Variants in KLRG1 observed in about 807,000 individuals in gnomAD.
The protein encoded by KLRG1 is killer cell lectin-like receptor subfamily G member 1.
Under a neutral mutation model 21.8 loss-of-function variants are expected in KLRG1, and 16 were observed. The ratio of observed to expected loss-of-function variants is 0.73; its 90% CI spans 0.50 to 1.11. The LOEUF (loss-of-function observed/expected upper bound fraction) is 1.11, where lower values mean the gene tolerates loss of function less well. Among genes scored for constraint, KLRG1 ranks in the 50% most tolerant of loss-of-function variants. KLRG1 has a pLI of 0.00. For missense variants in KLRG1, 173 were observed against 218.3 expected (o/e 0.79, Z 1.31); for synonymous variants, 69 against 75.9 (o/e 0.91, Z 0.47).
At chr12:8,956,253 G>A (rs1211441440) in intron 1 of KLRG1, among the ~76,000 whole-genome samples, 1 of 152,186 alleles carries the variant, frequency 6.6e-6, no homozygotes, top group Non-Finnish European at 1.5e-5. Flanking sequence ...GGAAGTGGTG[G>A]TGGCGCCAGG....
rs1805751 is a variant in KLRG1, at chr12:8,991,447, A to G, written c.83-759A>G. Among the ~76,000 whole-genome samples, 42 of 152,284 alleles carry G rather than the reference A, an allele frequency of 2.8e-4. No homozygotes were observed. The East Asian group carries it at 6.7e-3, about 24-fold the overall frequency. On this transcript the variant is annotated intron_variant, in intron 1 of 4. Coordinates refer to ENST00000356986, the MANE Select transcript of KLRG1 (RefSeq NM_005810.4). ...TGTATTTCAATTTCGAGTAGATAAT[A>G]TGTTTACATGGTTCAAAATTCAAAA...
At chr12:9,122,654 A>G in the KLRG1 span, among the ~76,000 whole-genome samples, 3 of 152,182 alleles carry the variant, frequency 2.0e-5, no homozygotes, top group African/African-American at 7.2e-5. Context: ...TAATAGTTGA[A>G]CTGTCGGTCC....
chr12:9,028,261 T>C, the KLRG1 span: 1 of 483,124 alleles, frequency 2.1e-6, no homozygotes, highest in Non-Finnish European at 3.7e-6. Flanking sequence ...AAGCGATTCT[T>C]CTGCTTCAGC....
the KLRG1 span, chr12:9,181,085 G>A: frequency 6.2e-7 from 1 of 1,614,130 alleles, no homozygotes; most frequent in Non-Finnish European, 8.5e-7. Context: ...CTTGCAGGTG[G>A]GCATGTGAGG....
chr12:8,979,190 G>A (rs1946714620), intron 1 of KLRG1, among the ~76,000 whole-genome samples: 1 of 151,404 alleles, frequency 6.6e-6, no homozygotes, highest in Non-Finnish European at 1.5e-5. Flanking sequence ...AATTTTCTTT[G>A]TATTTTTAGT....
chr12:8,966,529 T>G (rs1024015638), intron 1 of KLRG1, among the ~76,000 whole-genome samples: 3 of 152,106 alleles, frequency 2.0e-5, no homozygotes, highest in African/African-American at 7.2e-5. Context: ...GCAAAGGATA[T>G]GAACAGACAC....
the KLRG1 span, among the ~76,000 whole-genome samples, chr12:9,114,832 T>C: frequency 2.6e-5 from 4 of 152,282 alleles, no homozygotes; most frequent in South Asian, 8.3e-4. Context: ...AAACATTTCC[T>C]TCTGACTGAG....
At chr12:9,144,045 C>A in the KLRG1 span, among the ~76,000 whole-genome samples, 22 of 152,178 alleles carry the variant, frequency 1.4e-4, no homozygotes, top group Non-Finnish European at 2.9e-5. Flanking sequence ...ACCTGACTTT[C>A]CCGGGTACCA....
chr12:9,014,452 G>A (rs1015762275), downstream of KLRG1, among the ~76,000 whole-genome samples: 8 of 152,088 alleles, frequency 5.3e-5, 1 homozygote, highest in Admixed American at 5.2e-4. Context: ...AGAGTGGCAT[G>A]ATATATTTAA....
the KLRG1 span, chr12:9,152,286 G>A: frequency 6.2e-7 from 1 of 1,613,380 alleles, no homozygotes; most frequent in Non-Finnish European, 8.5e-7. Context: ...TCACCATATT[G>A]GAAGCAGGAC....
At chr12:9,177,196 A>G in the KLRG1 span, among the ~76,000 whole-genome samples, 548 of 152,366 alleles carry the variant, frequency 3.6e-3, 21 homozygotes, top group East Asian at 0.092. Context: ...GGCCTAGGTC[A>G]TAAAAGATAT....
At chr12:9,206,626 G>A in the KLRG1 span, among the ~76,000 whole-genome samples, 2 of 152,154 alleles carry the variant, frequency 1.3e-5, no homozygotes, top group Admixed American at 1.3e-4. Flanking sequence ...CCCAAGGCAG[G>A]GGAGAATGGC....
chr12:9,022,505 G>A, the KLRG1 span, among the ~76,000 whole-genome samples: 2 of 152,076 alleles, frequency 1.3e-5, no homozygotes, highest in South Asian at 4.1e-4. Context: ...TAAAATCCTT[G>A]GGATCTCCGG....
intron 1 of KLRG1, among the ~76,000 whole-genome samples, chr12:8,966,080 A>C (rs1946466460): frequency 2.0e-5 from 3 of 152,160 alleles, no homozygotes; most frequent in Non-Finnish European, 4.4e-5. Context: ...AAAAACAAGC[A>C]ATGGGGAAAG....
At chr12:9,160,723 G>T in the KLRG1 span, among the ~76,000 whole-genome samples, 2 of 152,110 alleles carry the variant, frequency 1.3e-5, no homozygotes, top group Non-Finnish European at 2.9e-5. Flanking sequence ...GACCATCCTG[G>T]TGAACACGGT....
chr12:9,164,126 C>A, the KLRG1 span: 14 of 1,609,640 alleles, frequency 8.7e-6, no homozygotes, highest in Non-Finnish European at 1.2e-5. Flanking sequence ...TGGGTACTGT[C>A]ACTCACCCAG....
chr12:9,187,174 G>A, the KLRG1 span, among the ~76,000 whole-genome samples: 6 of 151,076 alleles, frequency 4.0e-5, no homozygotes, highest in Non-Finnish European at 5.9e-5. Context: ...ACCCAACACA[G>A]GAGCACCCAG....
At chr12:9,115,920 A>T in the KLRG1 span, 10 of 1,321,422 alleles carry the variant, frequency 7.6e-6, no homozygotes, top group Non-Finnish European at 1.1e-5. Flanking sequence ...ATCTGGTCCC[A>T]AACACTTCCC....
chr12:8,987,370 G>T (rs1946860469), upstream of KLRG1: 1 of 152,150 alleles, frequency 6.6e-6, no homozygotes. Context: ...TTCTTCCCTT[G>T]TGCACACACT....
Sources: gnomAD v4.1 joint callset for allele counts (sites outside exome capture counted in the v4.1 genomes callset) on GRCh38, gnomAD v4.1.1 for gene constraint, MANE v1.5 for transcripts, NCBI Gene and HGNC (gene_info 2026-07-23, HGNC 2026-07-21) for gene names.